CTPS2: variants seen among roughly 807,000 people sequenced by gnomAD.
CTPS2 encodes the protein CTP synthase II.
Under a neutral mutation model 46.8 loss-of-function variants are expected in CTPS2, and 19 were observed. That is an observed-to-expected ratio of 0.41 (90% confidence interval 0.28 to 0.60). The LOEUF (loss-of-function observed/expected upper bound fraction) is 0.60. CTPS2 is among the 20% of genes least tolerant of loss of function. The pLI is 0.35. For missense variants in CTPS2, 286 were observed against 447.6 expected (o/e 0.64, Z 3.26); for synonymous variants, 151 against 165.2 (o/e 0.91, Z 0.66).
chrX:16,700,968 G>A (rs1924505866), intron 2 of CTPS2, among the ~76,000 whole-genome samples: 1 of 111,771 alleles, frequency 8.9e-6, no homozygotes, highest in African/African-American at 3.3e-5. Flanking sequence ...AGGACTAAGA[G>A]GGCTCCCAGG....
chrX:16,700,031 C>T (rs941034129), intron 2 of CTPS2, among the ~76,000 whole-genome samples: 2 of 108,384 alleles, frequency 1.8e-5, no homozygotes, highest in Non-Finnish European at 3.8e-5. Context: ...CTCCTGGATC[C>T]AAGCAATTCT....
chrX:16,662,718 T>A (rs1203996770), intron 13 of CTPS2, among the ~76,000 whole-genome samples: 2 of 105,648 alleles, frequency 1.9e-5, no homozygotes, highest in African/African-American at 6.9e-5. Context: ...TTTTTTTTAA[T>A]AAGACTTCTC....
chrX:16,666,832 C>T (rs1439976569), intron 13 of CTPS2, among the ~76,000 whole-genome samples: 5 of 111,375 alleles, frequency 4.5e-5, no homozygotes, highest in Non-Finnish European at 7.5e-5. Flanking sequence ...ATCACTGTCG[C>T]TTTTGTTTTA....
At chrX:16,612,904 A>G (rs1241382893) in intron 16 of CTPS2, among the ~76,000 whole-genome samples, 2 of 112,149 alleles carry the variant, frequency 1.8e-5, no homozygotes, top group East Asian at 5.6e-4. Context: ...TACATAAGGT[A>G]TGCAAAGTCC....
chrX:16,639,215 C>T lies in CTPS2; in HGVS notation c.1325G>A (p.Gly442Asp). 1 of 1,209,024 alleles carries T rather than the reference C, an allele frequency of 8.3e-7. No individual in the cohort carries two copies. The highest frequency in any genetic ancestry group is 1.7e-5 in the African/African-American group (1 of 57,800). ...LVIDMPEHNP[G>D]NLGGTMRLGI... The stretch of plus-strand genomic sequence containing the variant: ...CAGTCTCATTGTTCCTCCCAAATTG[C>T]CAGGGTTGTGCTCGGGCATATCAAT... Residue 442 changes from glycine to aspartate, a missense_variant, in exon 14 of 19, where the codon GGC becomes GAC. Gly to Asp is a moderately conservative substitution (Grantham distance 94). Transcript: ENST00000359276.
chrX:16,710,770 C>T (rs1343771481), intron 1 of CTPS2, among the ~76,000 whole-genome samples: 1 of 111,576 alleles, frequency 9.0e-6, no homozygotes, highest in Non-Finnish European at 1.9e-5. Context: ...AGGTGCATGC[C>T]ACCATTCCCA....
chrX:16,617,633 C>T lies in CTPS2; in HGVS notation c.1450-387G>A, dbSNP rs1930603183. On this transcript the variant is annotated intron_variant, in intron 15 of 18. Transcript: ENST00000359276. The stretch of plus-strand genomic sequence containing the variant: ...TGAAGATTAAAACTATCCTATTTCC[C>T]TTGTGACTAACCCCAATGCTTTCTT... Among the ~76,000 whole-genome samples, 6 of 112,237 alleles carry T rather than the reference C, an allele frequency of 5.3e-5. No homozygotes were observed. In the Admixed American group the frequency reaches 5.7e-4, roughly 11 times the overall value.
chrX:16,610,850 G>A (rs946794407), intron 16 of CTPS2, among the ~76,000 whole-genome samples: 6 of 112,564 alleles, frequency 5.3e-5, no homozygotes, highest in African/African-American at 1.9e-4. Flanking sequence ...CCATGGAATA[G>A]TATGCAGCCA....
At chrX:16,691,819 G>C (rs1236250286) in intron 6 of CTPS2, among the ~76,000 whole-genome samples, 199 bp from the exon 7 acceptor site, 1 of 112,144 alleles carries the variant, frequency 8.9e-6, no homozygotes, top group Non-Finnish European at 1.9e-5. Context: ...TCGAAACATC[G>C]AGACGTCTCT....
rs763383304 is a variant in CTPS2, at chrX:16,588,392, T to G, written c.*1425A>C. 3 of 112,155 alleles carry G rather than the reference T, an allele frequency of 2.7e-5. No individual in the cohort carries two copies. The highest frequency in any genetic ancestry group is 5.6e-5 in the Non-Finnish European group (3 of 53,295). The allele number at this position is 112,155 out of a possible 1,213,427, so 9.2% of individuals were successfully genotyped here. Reference sequence around the variant, plus strand: ...GGAATTGTTTAAGTAAAAGACATGGTTAAGCATTATGAGAGCACAGAAGAA... The same window carrying G: ...GGAATTGTTTAAGTAAAAGACATGGGTAAGCATTATGAGAGCACAGAAGAA... On this transcript the variant is annotated 3_prime_UTR_variant, in exon 19 of 19. Transcript: ENST00000359276.
intron 11 of CTPS2, among the ~76,000 whole-genome samples, chrX:16,668,769 GA>G (rs1416370473): frequency 1.5e-5 from 1 of 67,250 alleles, no homozygotes; most frequent in East Asian, 4.9e-4. Flanking sequence ...AGGAAGGAAG[GA>G]AAGGAAGGAA....
intron 17 of CTPS2, among the ~76,000 whole-genome samples, chrX:16,597,389 T>C (rs981217066): frequency 5.3e-5 from 6 of 112,222 alleles, no homozygotes; most frequent in African/African-American, 1.6e-4. Context: ...AAGGAAGGGA[T>C]CCAGTTTCAG....
chrX:16,618,090 C>T (rs1930628104), intron 15 of CTPS2, among the ~76,000 whole-genome samples: 1 of 111,436 alleles, frequency 9.0e-6, no homozygotes, highest in Non-Finnish European at 1.9e-5. Flanking sequence ...CCTCATCCCC[C>T]AACCCCCCAT....
intron 16 of CTPS2, among the ~76,000 whole-genome samples, chrX:16,614,820 G>A (rs1277341578): frequency 9.0e-6 from 1 of 111,181 alleles, no homozygotes; most frequent in Non-Finnish European, 1.9e-5. Flanking sequence ...GAGGAAGGAA[G>A]AGGCCTTGAG....
intron 9 of CTPS2, among the ~76,000 whole-genome samples, chrX:16,679,060 T>C (rs7049850): frequency 0.51 from 55,454 of 108,421 alleles, 11,058 homozygotes; most frequent in African/African-American, 0.72. Flanking sequence ...GGGAGAAGGG[T>C]ATGAAATCTC....
At chrX:16,682,751 C>A (rs1271105931) in intron 9 of CTPS2, among the ~76,000 whole-genome samples, 2 of 111,635 alleles carry the variant, frequency 1.8e-5, no homozygotes, top group Non-Finnish European at 3.8e-5. Flanking sequence ...CCAGTAAAAA[C>A]CTTGGGCTTC....
chrX:16,666,757 C>T (rs755072513), intron 13 of CTPS2, among the ~76,000 whole-genome samples: 2 of 111,513 alleles, frequency 1.8e-5, no homozygotes, highest in Non-Finnish European at 3.8e-5. Context: ...GGGACCCAGC[C>T]CAGAATCCTG....
intron 2 of CTPS2, among the ~76,000 whole-genome samples, chrX:16,702,302 C>T (rs1924648730): frequency 8.9e-6 from 1 of 112,015 alleles, no homozygotes; most frequent in Admixed American, 9.6e-5. Context: ...GATCCACCTG[C>T]CTCGGCCTCC....
rs747983326 is a variant in CTPS2, at chrX:16,693,531, A to G, written c.439-44T>C. Reference sequence around the variant, plus strand: ...CAAAAAAAGACACAAATGACCACACATCTCCCACAGTACACAAGCTAATAA... The same window carrying G: ...CAAAAAAAGACACAAATGACCACACGTCTCCCACAGTACACAAGCTAATAA... On this transcript the variant is annotated intron_variant, in intron 4 of 18. Coordinates refer to ENST00000359276, the MANE Select transcript of CTPS2 (RefSeq NM_175859.3). 3.6e-6 allele frequency: 3 copies of G among 838,075 alleles called. No individual in the cohort carries two copies. In the Admixed American group the frequency reaches 7.2e-5, roughly 20 times the overall value. The allele number at this position is 838,075 out of a possible 1,213,427, so 69.1% of individuals were successfully genotyped here. A position where few individuals can be genotyped will look rare whatever the true frequency, so the allele number is the denominator to read the frequency against.
Sources: gnomAD v4.1 joint callset for allele counts (sites outside exome capture counted in the v4.1 genomes callset) on GRCh38, gnomAD v4.1.1 for gene constraint, MANE v1.5 for transcripts, NCBI Gene and HGNC (gene_info 2026-07-23, HGNC 2026-07-21) for gene names.